Variants in COBLL1 observed in about 807,000 individuals in gnomAD.
The protein encoded by COBLL1 is cordon-bleu WH2 repeat protein like 1.
In COBLL1, 50 loss-of-function variants were observed where a neutral mutation model predicts 94.8. The observed-to-expected ratio is 0.53, with a 90% CI of 0.42 to 0.67. The LOEUF is 0.67. Among genes scored for constraint, COBLL1 ranks in the 30% least tolerant of loss-of-function variants. The pLI, the probability that COBLL1 is intolerant of heterozygous loss-of-function variation, is 0.00. For missense variants in COBLL1, 1,362 were observed against 1,348.7 expected, an observed-to-expected ratio of 1.01 and a Z score of -0.15; for synonymous variants, 448 against 473.8, an observed-to-expected ratio of 0.95 and a Z score of 0.71.
In COBLL1 at chr2:164,841,328, C is replaced by A. The variant is rs552590157; in HGVS notation, c.-50-82G>T. 1.7e-6 allele frequency: 2 copies of A among 1,205,506 alleles called. No individual in the cohort carries two copies. The highest frequency in any genetic ancestry group is 4.4e-5 in the Admixed American group (1 of 22,768). 74.7% of individuals were successfully genotyped at this position (1,205,506 alleles called of 1,614,324 possible). On this transcript the variant is annotated intron_variant, in intron 1 of 13. Coordinates refer to ENST00000652658, the MANE Select transcript of COBLL1 (RefSeq NM_001365672.2). The surrounding 1 kb of genome is among the most constrained non-coding windows in gnomAD (Gnocchi z 5.5). ...GCGAAGCTGGCTGAGCGTCAAGAGC[C>A]CGCCCGAGCCGCTCCAGCCCCGGCC... is the stretch of plus-strand genomic sequence containing the variant.
intron 5 of COBLL1, among the ~76,000 whole-genome samples, chr2:164,726,372 G>T (rs1347848264): frequency 6.6e-6 from 1 of 151,756 alleles, no homozygotes; most frequent in South Asian, 2.1e-4. Flanking sequence ...TAATTATTAG[G>T]GTAATCAATT....
intron 2 of COBLL1, among the ~76,000 whole-genome samples, chr2:164,756,661 C>T (rs932726476): frequency 1.6e-4 from 24 of 151,792 alleles, no homozygotes; most frequent in Admixed American, 1.1e-3. Flanking sequence ...GTGGGCGATA[C>T]GGCAGGGAGA....
In COBLL1 at chr2:164,692,918, T is replaced by C. The variant is rs1574417124; in HGVS notation, c.3124-521A>G. ...CACTTAGTAGCTTATTTTGTGTTTCTGGAAGTCACATGGACTAAGTGCTAA... is the reference window on the plus strand; with the variant it reads ...CACTTAGTAGCTTATTTTGTGTTTCCGGAAGTCACATGGACTAAGTGCTAA... On this transcript the variant is annotated intron_variant, in intron 12 of 13. Transcript: ENST00000652658. Among the ~76,000 whole-genome samples, 3 of 152,298 alleles carry C rather than the reference T, an allele frequency of 2.0e-5. No homozygotes were observed. In the East Asian group the frequency reaches 5.8e-4, roughly 29 times the overall value.
intron 3 of COBLL1, among the ~76,000 whole-genome samples, chr2:164,735,771 C>T (rs1002871841): frequency 1.3e-5 from 2 of 151,826 alleles, no homozygotes; most frequent in Non-Finnish European, 2.9e-5. Context: ...GTTGATGCAC[C>T]TGAAGGCAGT....
intron 11 of COBLL1, chr2:164,697,427 T>A (rs527599947): frequency 1.3e-5 from 2 of 152,274 alleles, no homozygotes; most frequent in Non-Finnish European, 2.9e-5. Flanking sequence ...TTTACTTGGT[T>A]CATAAGTATT....
At chr2:164,756,536 T>G (rs1687417398) in intron 2 of COBLL1, among the ~76,000 whole-genome samples, 1 of 152,216 alleles carries the variant, frequency 6.6e-6, no homozygotes, top group African/African-American at 2.4e-5. Context: ...AGTAATAGTT[T>G]ATTCCTAAGC....
chr2:164,803,302 A>G (rs1683905893), intron 2 of COBLL1, among the ~76,000 whole-genome samples: 1 of 152,142 alleles, frequency 6.6e-6, no homozygotes, highest in South Asian at 2.1e-4. Context: ...GCGGTGGCTC[A>G]CGCCTGTAAT....
At chr2:164,733,654 C>A (rs1686138044) in intron 3 of COBLL1, among the ~76,000 whole-genome samples, 1 of 152,120 alleles carries the variant, frequency 6.6e-6, no homozygotes, top group Non-Finnish European at 1.5e-5. Context: ...TCTGGGGAAA[C>A]AACTGAATTT....
At chr2:164,755,996 TAGTACACACA>T (rs2105600805) in intron 2 of COBLL1, among the ~76,000 whole-genome samples, 1 of 152,006 alleles carries the variant, frequency 6.6e-6, no homozygotes, top group South Asian at 2.1e-4. Context: ...TCTATACATA[TAGTACACACA>T]TACAAATGTG....
intron 2 of COBLL1, among the ~76,000 whole-genome samples, chr2:164,771,393 T>C (rs189290831): frequency 1.3e-5 from 2 of 152,122 alleles, no homozygotes; most frequent in Admixed American, 1.3e-4. Flanking sequence ...TTCTAGAGTT[T>C]CTCATTAGAA....
chr2:164,722,489 A>T lies in COBLL1; in HGVS notation c.695T>A (p.Met232Lys). The T allele has an allele frequency of 6.6e-7, 1 of 1,524,680 alleles. No individual in the cohort carries two copies. The highest frequency in any genetic ancestry group is 8.8e-7 in the Non-Finnish European group (1 of 1,139,304). 94.4% of individuals were successfully genotyped at this position (1,524,680 alleles called of 1,614,324 possible). ...AAACCCTTTATTTTCTTTCTCCTTCATAATATCTAGGTTTTGTGATATTTG... is the reference window on the plus strand; with the variant it reads ...AAACCCTTTATTTTCTTTCTCCTTCTTAATATCTAGGTTTTGTGATATTTG... ...SCQISQNLDI[M>K]KEKENKGFFS... Residue 232 changes from methionine (M) to lysine (K), a missense_variant, in exon 6 of 14, where the codon ATG (methionine) becomes AAG (lysine). Coordinates refer to ENST00000652658, the MANE Select transcript of COBLL1 (RefSeq NM_001365672.2).
chr2:164,757,423 A>C (rs976385471), intron 2 of COBLL1, among the ~76,000 whole-genome samples: 8 of 152,208 alleles, frequency 5.3e-5, no homozygotes, highest in African/African-American at 1.2e-4. Flanking sequence ...AATCCCTGTT[A>C]CATTTTTGTT....
At chr2:164,666,380 A>C (rs1691159049) in intron 1 of COBLL1, among the ~76,000 whole-genome samples, 1 of 152,218 alleles carries the variant, frequency 6.6e-6, no homozygotes, top group Non-Finnish European at 1.5e-5. Context: ...AAAAATGCTA[A>C]CGATCATCTG....
chr2:164,728,599 T>A (rs1685833007), intron 4 of COBLL1, among the ~76,000 whole-genome samples: 1 of 152,106 alleles, frequency 6.6e-6, no homozygotes, highest in Non-Finnish European at 1.5e-5. Flanking sequence ...ATAATTTCTC[T>A]ATTGCCTCAA....
chr2:164,831,177 C>T (rs898452203), intron 2 of COBLL1, among the ~76,000 whole-genome samples: 1 of 152,044 alleles, frequency 6.6e-6, no homozygotes, highest in East Asian at 1.9e-4. Flanking sequence ...CAAAAATTAG[C>T]CAGGCATGGT....
rs774663929 is a variant in COBLL1 at position 164,692,305 on chromosome 2, T to C, written c.3216A>G (p.Thr1072=). The C allele has an allele frequency of 6.2e-7, 1 of 1,613,710 alleles. No individual in the cohort carries two copies. Among genetic ancestry groups the C allele is most frequent in the Admixed American group, 1.7e-5 (1 of 59,972 alleles). Residue 1072 remains threonine (T), a synonymous_variant, in exon 13 of 14, where the codon ACA becomes ACG. Coordinates refer to ENST00000652658, the MANE Select transcript of COBLL1 (RefSeq NM_001365672.2). ...SFTVMRQSSL[T]FQSSDPEQMR... ...TCTGTTCTGGGTCAGAGCTTTGGAA[T>C]GTTAAAGAACTTTGTCTCATAACAG...
At chr2:164,785,404 T>A (rs1049614757) in intron 2 of COBLL1, among the ~76,000 whole-genome samples, 4 of 152,102 alleles carry the variant, frequency 2.6e-5, no homozygotes, top group African/African-American at 9.7e-5. Flanking sequence ...TCCCAGATAG[T>A]CACACAAATG....
intron 2 of COBLL1, among the ~76,000 whole-genome samples, chr2:164,746,457 C>G (rs1686862224): frequency 6.6e-6 from 1 of 152,034 alleles, no homozygotes; most frequent in Non-Finnish European, 1.5e-5. Context: ...GGTTTCTTGC[C>G]TCAACCAGAA....
chr2:164,703,079 A>G (rs776924917), intron 9 of COBLL1: 18 of 1,406,156 alleles, frequency 1.3e-5, no homozygotes, highest in Non-Finnish European at 1.5e-5. Context: ...ACAAAGCACC[A>G]GCCAGGAAAG....
Sources: allele counts gnomAD v4.1 joint callset (sites outside exome capture counted in the v4.1 genomes callset), GRCh38; gene constraint gnomAD v4.1.1; non-coding constraint Gnocchi (gnomAD v3.1); transcripts MANE v1.5; gene names NCBI Gene and HGNC (gene_info 2026-07-23, HGNC 2026-07-21).